Variants in CDKAL1 observed in about 807,000 individuals in gnomAD.
CDKAL1 encodes threonylcarbamoyladenosine tRNA methylthiotransferase.
A neutral mutation model predicts 68.2 loss-of-function variants in CDKAL1; 32 were observed. The observed-to-expected ratio is 0.47, with a 90% CI of 0.35 to 0.63. The LOEUF is 0.63. CDKAL1 is among the 30% of genes least tolerant of loss of function. The pLI, the probability that CDKAL1 is intolerant of heterozygous loss-of-function variation, is 0.00. For synonymous variants in CDKAL1, 234 were observed against 244.3 expected (o/e 0.96, Z 0.39); for missense variants, 606 against 696.7 (o/e 0.87, Z 1.47).
At chr6:20,857,891 G>T (rs753826878) in intron 9 of CDKAL1, among the ~76,000 whole-genome samples, 2 of 152,036 alleles carry the variant, frequency 1.3e-5, no homozygotes, top group Non-Finnish European at 2.9e-5. Context: ...ATGAAGTCTC[G>T]CTCTGTCGCC....
intron 13 of CDKAL1, among the ~76,000 whole-genome samples, chr6:21,195,681 C>G (rs1778443066): frequency 6.6e-6 from 1 of 151,330 alleles, no homozygotes; most frequent in African/African-American, 2.4e-5. Context: ...CGGCTAATTT[C>G]TGTATTTTTT....
At chr6:20,984,501 C>G (rs1022417491) in intron 10 of CDKAL1, among the ~76,000 whole-genome samples, 1 of 152,166 alleles carries the variant, frequency 6.6e-6, no homozygotes, top group Non-Finnish European at 1.5e-5. Context: ...GTGTTAACAG[C>G]TAAGTGGAGG....
intron 6 of CDKAL1, chr6:20,756,830 TCC>T (rs1774195989): frequency 6.7e-6 from 1 of 148,368 alleles, no homozygotes; most frequent in Non-Finnish European, 1.5e-5. Context: ...CTTCCTTCCT[TCC>T]TTCCTTTCTT....
At chr6:21,141,651 C>T (rs2151035374) in intron 13 of CDKAL1, among the ~76,000 whole-genome samples, 1 of 152,266 alleles carries the variant, frequency 6.6e-6, no homozygotes, top group South Asian at 2.1e-4. Context: ...TGGCATGAAG[C>T]AACACTGGCA....
intron 8 of CDKAL1, among the ~76,000 whole-genome samples, chr6:20,791,823 CT>C (rs989041581): frequency 6.7e-4 from 101 of 151,232 alleles, no homozygotes; most frequent in African/African-American, 2.2e-3. Context: ...CCTTTCTTGC[CT>C]TTTTTTTTCC....
chr6:21,086,818 A>G (rs149567080), intron 12 of CDKAL1, among the ~76,000 whole-genome samples: 96 of 152,340 alleles, frequency 6.3e-4, no homozygotes, highest in African/African-American at 2.2e-3. Context: ...TGTAGAAGAC[A>G]GGAGAAAAAC....
At chr6:21,122,155 G>T in intron 13 of CDKAL1, among the ~76,000 whole-genome samples, 1 of 152,278 alleles carries the variant, frequency 6.6e-6, no homozygotes, top group South Asian at 2.1e-4. Flanking sequence ...ATGTTTTTAC[G>T]TAATCTGTAC....
intron 6 of CDKAL1, among the ~76,000 whole-genome samples, chr6:20,740,669 G>T (rs1366549319): frequency 2.6e-5 from 4 of 152,102 alleles, no homozygotes; most frequent in Non-Finnish European, 5.9e-5. Context: ...CTACTGACAG[G>T]TTCTTGTATC....
intron 12 of CDKAL1, among the ~76,000 whole-genome samples, chr6:21,072,676 C>CTTT (rs66763305): frequency 0.088 from 11,563 of 130,880 alleles, 752 homozygotes; most frequent in African/African-American, 0.16. Flanking sequence ...AATAGAGTAT[C>CTTT]TTTTTTTTTT....
intron 8 of CDKAL1, among the ~76,000 whole-genome samples, chr6:20,786,035 A>C (rs920643592): frequency 6.6e-6 from 1 of 152,170 alleles, no homozygotes; most frequent in Non-Finnish European, 1.5e-5. Flanking sequence ...AGCCTGGCCA[A>C]CATGCTGAAA....
intron 5 of CDKAL1, among the ~76,000 whole-genome samples, chr6:20,698,479 C>T (rs74585910): frequency 0.015 from 2,280 of 152,216 alleles, 48 homozygotes; most frequent in African/African-American, 0.052. Context: ...TACTATGTTG[C>T]GCTTATCATG....
rs148153378 is a variant in CDKAL1 at position 20,995,291 on chromosome 6, A to G, written c.910-4936A>G. On this transcript the variant is annotated intron_variant, in intron 10 of 15. Coordinates refer to ENST00000274695, the MANE Select transcript of CDKAL1 (RefSeq NM_017774.3). ...ATATTTTGTTCTCCTCCCATGAATC[A>G]TGAATGTTCTTAACAGCATCTGGAA... 6.7e-3 allele frequency among the ~76,000 whole-genome samples: 1,024 copies of G among 152,320 alleles called. 7 individuals are homozygous for G. The highest frequency in any genetic ancestry group is 0.012 in the Admixed American group (177 of 15,290).
chr6:21,142,739 T>C (rs1775981494), intron 13 of CDKAL1, among the ~76,000 whole-genome samples: 1 of 152,210 alleles, frequency 6.6e-6, no homozygotes, highest in African/African-American at 2.4e-5. Context: ...ACTGCAGCCT[T>C]AAAGAGTAAA....
intron 8 of CDKAL1, among the ~76,000 whole-genome samples, chr6:20,791,992 A>C (rs1215054981): frequency 1.3e-5 from 2 of 152,102 alleles, no homozygotes; most frequent in East Asian, 3.9e-4. Flanking sequence ...AGAAAAAAAA[A>C]AACCCTGAAA....
At chr6:20,786,687 C>T (rs756824164) in intron 8 of CDKAL1, among the ~76,000 whole-genome samples, 5 of 151,618 alleles carry the variant, frequency 3.3e-5, no homozygotes, top group Non-Finnish European at 7.4e-5. Context: ...TTAGTGGAGA[C>T]GAGGTTTCAC....
chr6:21,122,386 G>A (rs190083553), intron 13 of CDKAL1, among the ~76,000 whole-genome samples: 10 of 151,972 alleles, frequency 6.6e-5, no homozygotes, highest in Admixed American at 2.0e-4. Context: ...GAGTTTTTTC[G>A]TTTTTCTCAG....
At position 20,846,064 on chromosome 6, in the gene CDKAL1, C is replaced by T; in HGVS notation, c.639-11C>T. On this transcript the variant is annotated splice_polypyrimidine_tract_variant and intron_variant, in intron 8 of 15. Coordinates refer to ENST00000274695, the MANE Select transcript of CDKAL1 (RefSeq NM_017774.3). ...AAATTTGAGTCTTATTTATTGTTAT[C>T]ATTTGAACAGGTGTCTCAATGCTTG... 1 of 1,570,822 alleles carries T rather than the reference C, an allele frequency of 6.4e-7. No individual in the cohort carries two copies. Among genetic ancestry groups the T allele is most frequent in the South Asian group, 1.1e-5 (1 of 88,194 alleles).
At chr6:20,880,040 A>T (rs147756527) in intron 9 of CDKAL1, among the ~76,000 whole-genome samples, 6 of 152,292 alleles carry the variant, frequency 3.9e-5, no homozygotes, top group East Asian at 1.9e-4. Context: ...TGATTTAAAA[A>T]CTTTTTATGA....
chr6:21,228,937 C>T (rs546774481), intron 15 of CDKAL1, among the ~76,000 whole-genome samples: 7 of 152,280 alleles, frequency 4.6e-5, no homozygotes, highest in East Asian at 1.9e-4. Flanking sequence ...GACAGGTCTT[C>T]GTGCACCACT....
Sources: allele counts gnomAD v4.1 joint callset (sites outside exome capture counted in the v4.1 genomes callset), GRCh38; gene constraint gnomAD v4.1.1; transcripts MANE v1.5; gene names NCBI Gene and HGNC (gene_info 2026-07-23, HGNC 2026-07-21).